Variants in CCT7 observed in about 807,000 individuals in gnomAD.
CCT7 encodes T-complex protein 1 subunit eta.
A neutral mutation model predicts 56.6 loss-of-function variants in CCT7; 16 were observed. The observed-to-expected ratio is 0.28, with a 90% CI of 0.19 to 0.43. CCT7 has a LOEUF of 0.43. CCT7 is among the 20% of genes least tolerant of loss of function. CCT7 has a pLI of 1.00. For missense variants in CCT7, 519 were observed against 685.6 expected (o/e 0.76, Z 2.71); for synonymous variants, 262 against 254.8 (o/e 1.03, Z -0.27).
intron 2 of CCT7, chr2:73,240,132 G>T (rs530578541): frequency 1.9e-4 from 64 of 329,080 alleles, no homozygotes; most frequent in African/African-American, 9.5e-4. Flanking sequence ...ATGTGTGAGG[G>T]TATCAACTGT....
At chr2:73,236,374 C>T (rs1220447711) in intron 1 of CCT7, among the ~76,000 whole-genome samples, 8 of 151,450 alleles carry the variant, frequency 5.3e-5, no homozygotes, top group Admixed American at 5.3e-4. Flanking sequence ...TGGAGTCTTG[C>T]TCTGTTGCCC....
At chr2:73,241,771 A>G (rs376695127) in intron 3 of CCT7, among the ~76,000 whole-genome samples, 2 of 145,270 alleles carry the variant, frequency 1.4e-5, no homozygotes, top group African/African-American at 5.1e-5. Context: ...AGGGGGTTTC[A>G]TTCTTGTTGC....
intron 3 of CCT7, among the ~76,000 whole-genome samples, chr2:73,241,588 C>T (rs916668934): frequency 1.3e-5 from 2 of 151,968 alleles, no homozygotes; most frequent in African/African-American, 2.4e-5. Context: ...CCATCTCTAC[C>T]GAAATAAATT....
At chr2:73,243,897 G>C in intron 4 of CCT7, 100 bp from the exon 5 acceptor site, 1 of 1,042,652 alleles carries the variant, frequency 9.6e-7, no homozygotes, top group South Asian at 1.3e-5. Flanking sequence ...AAATGCTTAG[G>C]ATTTGGGAGT....
At chr2:73,238,793 A>G (rs560076755) in intron 1 of CCT7, among the ~76,000 whole-genome samples, 2 of 152,190 alleles carry the variant, frequency 1.3e-5, no homozygotes, top group African/African-American at 4.8e-5. Context: ...AAGCTGAGAA[A>G]TTGCTCTCTC....
Position 73,251,237 on chromosome 2 carries a change from G to T in CCT7, c.1215G>T (p.Val405=). The change falls in exon 11 of 12, where the codon GTG becomes GTT. Residue 405 remains valine (V), a synonymous_variant. Transcript: ENST00000258091. ...IVRRAIKNDS[V]VAGGGAIEME... The stretch of plus-strand genomic sequence containing the variant: ...TCTGATCTCTGCAGAATGATTCAGT[G>T]GTGGCTGGTGGCGGGGCCATTGAGA... 6.2e-7 allele frequency: 1 copy of T among 1,614,136 alleles called. No individual in the cohort carries two copies. The highest frequency in any genetic ancestry group is 1.3e-5 in the African/African-American group (1 of 75,050).
intron 4 of CCT7, among the ~76,000 whole-genome samples, chr2:73,243,403 T>C (rs1217685571): frequency 2.0e-5 from 3 of 152,184 alleles, no homozygotes; most frequent in East Asian, 3.9e-4. Context: ...GGCATACTAC[T>C]ACTACATGCT....
rs1443905503 is a variant in CCT7, at chr2:73,243,932, A to G, written c.394-65A>G. On this transcript the variant is annotated intron_variant, in intron 4 of 11. Transcript: ENST00000258091. The stretch of plus-strand genomic sequence containing the variant: ...TGAACAGACTCAGGACTATTGAGAG[A>G]TTGAGGTCCACTTCAGCAGTTTGTC... 2.4e-5 allele frequency: 35 copies of G among 1,445,704 alleles called. No homozygotes were observed. The South Asian group carries it at 3.9e-4, about 16-fold the overall frequency. The allele number at this position is 1,445,704 out of a possible 1,614,324, so 89.6% of individuals were successfully genotyped here. A position where few individuals can be genotyped will look rare whatever the true frequency, so the allele number is the denominator to read the frequency against.
chr2:73,235,901 A>C (rs965867090), intron 1 of CCT7, among the ~76,000 whole-genome samples: 7 of 152,118 alleles, frequency 4.6e-5, no homozygotes, highest in African/African-American at 1.7e-4. Flanking sequence ...ATAAAACTTC[A>C]CCAGTGGGCT....
intron 6 of CCT7, 134 bp from the exon 7 acceptor site, chr2:73,247,628 G>A (rs1574361826): frequency 4.7e-6 from 3 of 643,448 alleles, no homozygotes; most frequent in Non-Finnish European, 7.9e-6. Context: ...CAGAAAGGCT[G>A]TGTTACAGCA....
At chr2:73,252,016 C>T (rs1687611525) in intron 11 of CCT7, among the ~76,000 whole-genome samples, 1 of 146,638 alleles carries the variant, frequency 6.8e-6, no homozygotes, top group South Asian at 2.1e-4. Context: ...GAAGCACATA[C>T]TGACCACATG....
intron 1 of CCT7, among the ~76,000 whole-genome samples, chr2:73,237,090 C>T (rs554410347): frequency 1.3e-5 from 2 of 152,254 alleles, no homozygotes; most frequent in South Asian, 4.1e-4. Context: ...TTATTTTGGT[C>T]CTTGTCTTTG....
intron 1 of CCT7, 27 bp downstream of exon 1, chr2:73,234,411 C>T: frequency 6.2e-7 from 1 of 1,612,484 alleles, no homozygotes; most frequent in Non-Finnish European, 8.5e-7. Context: ...GCATCCGTCG[C>T]CATCAGCTGC....
At chr2:73,244,263 C>T in intron 5 of CCT7, 4 of 624,150 alleles carry the variant, frequency 6.4e-6, no homozygotes, top group East Asian at 2.7e-5. Context: ...TGCAATCCCT[C>T]TATGTGCCTG....
intron 5 of CCT7, 113 bp from the exon 6 acceptor site, chr2:73,244,431 T>C (rs1687245239): frequency 1.1e-6 from 1 of 871,994 alleles, no homozygotes; most frequent in Admixed American, 2.9e-5. Context: ...AAGGTGAAGT[T>C]GGAGAGGGCT....
intron 1 of CCT7, among the ~76,000 whole-genome samples, chr2:73,238,573 T>TCA (rs1686973194): frequency 6.6e-6 from 1 of 152,266 alleles, no homozygotes; most frequent in Admixed American, 6.5e-5. Flanking sequence ...TTTCAAACTT[T>TCA]TTATTGCATT....
intron 1 of CCT7, among the ~76,000 whole-genome samples, 181 bp downstream of exon 1, chr2:73,234,565 G>T (rs1686776224): frequency 6.6e-6 from 1 of 152,076 alleles, no homozygotes; most frequent in African/African-American, 2.4e-5. Flanking sequence ...CACGGCGCTG[G>T]AGCCGTTGGC....
At position 73,252,768 on chromosome 2, in the gene CCT7, C is replaced by T. The variant is rs751079104; in HGVS notation, c.1539C>T (p.Ile513=). ...LTAASEAACL[I]VSVDETIKNP... ...CAGCCTCTGAGGCTGCGTGCCTGAT[C>T]GTGTCTGTAGATGAAACCATCAAGA... Residue 513 remains isoleucine (I), a synonymous_variant, in exon 12 of 12, where the codon ATC becomes ATT. Coordinates refer to ENST00000258091, the MANE Select transcript of CCT7 (RefSeq NM_006429.4). 1.1e-5 allele frequency: 18 copies of T among 1,613,980 alleles called. No homozygotes were observed. The highest frequency in any genetic ancestry group is 6.7e-5 in the African/African-American group (5 of 74,890).
intron 1 of CCT7, among the ~76,000 whole-genome samples, chr2:73,238,207 T>C (rs757612765): frequency 6.6e-6 from 1 of 152,218 alleles, no homozygotes; most frequent in South Asian, 2.1e-4. Context: ...TTGTTTTTTA[T>C]GTAAATCACA....
Sources: allele counts gnomAD v4.1 joint callset (sites outside exome capture counted in the v4.1 genomes callset), GRCh38; gene constraint gnomAD v4.1.1; transcripts MANE v1.5; gene names NCBI Gene and HGNC (gene_info 2026-07-23, HGNC 2026-07-21).